The following C1orf87 variants were observed in gnomAD, a reference collection of about 807,000 sequenced individuals.
The protein encoded by C1orf87 is uncharacterized protein C1orf87.
Under a neutral mutation model 60.5 loss-of-function variants are expected in C1orf87, and 58 were observed. That is an observed-to-expected ratio of 0.96 (90% CI 0.78 to 1.19). The LOEUF is 1.19. Among genes scored for constraint, C1orf87 ranks in the 50% most tolerant of loss-of-function variants. The probability of loss-of-function intolerance (pLI) is 0.00; values close to 1 mark genes in which losing one functional copy is unlikely to be tolerated. For missense variants in C1orf87, 673 were observed against 638.6 expected (o/e 1.05, Z -0.58); for synonymous variants, 236 against 227.4 (o/e 1.04, Z -0.34).
At position 59,997,771 on chromosome 1, in the gene C1orf87, T is replaced by C. The variant is rs780769808; in HGVS notation, c.1318A>G (p.Thr440Ala). 2.3e-5 allele frequency: 37 copies of C among 1,613,838 alleles called. 3 individuals are homozygous for C. The South Asian group carries it at 3.8e-4, about 17-fold the overall frequency. The change falls in exon 11 of 12, where the codon ACT (threonine) becomes GCT (alanine). Residue 440 changes from threonine (T) to alanine (A), a missense_variant. By Grantham distance (58) the Thr-to-Ala change is moderately conservative. Transcript: ENST00000371201. ...TTCAGAGGATCTTTGCAGGCTGAAGTTTCAGCAGGAGAGCTTTCTGGCTGC... is the reference window on the plus strand; with the variant it reads ...TTCAGAGGATCTTTGCAGGCTGAAGCTTCAGCAGGAGAGCTTTCTGGCTGC... ...ELQPESSPAE[T>A]SACKDPLKPL...
chr1:60,027,231 T>C (rs1645204485), intron 7 of C1orf87, among the ~76,000 whole-genome samples: 1 of 152,124 alleles, frequency 6.6e-6, no homozygotes, highest in African/African-American at 2.4e-5. Context: ...AACCAACTTA[T>C]CCAAAGCCCA....
rs115613340 is a variant in C1orf87, at chr1:60,017,049, G to C, written c.1128-6593C>G. On this transcript the variant is annotated intron_variant, in intron 8 of 11. Transcript: ENST00000371201. ...CTACATTTGACTTAGCCTTATTGAC[G>C]AATTCATTTATTAGTTGTGTATTGG... 5.3e-3 allele frequency among the ~76,000 whole-genome samples: 814 copies of C among 152,266 alleles called. 11 individuals are homozygous for C. The highest frequency in any genetic ancestry group is 0.018 in the African/African-American group (756 of 41,560).
intron 8 of C1orf87, among the ~76,000 whole-genome samples, chr1:60,023,429 C>T (rs773715109): frequency 6.6e-5 from 10 of 151,992 alleles, no homozygotes; most frequent in East Asian, 1.9e-4. Flanking sequence ...GTATCTATGT[C>T]GTCAAGCTCA....
intron 10 of C1orf87, among the ~76,000 whole-genome samples, chr1:59,999,815 T>A (rs1290255616): frequency 3.9e-5 from 6 of 152,140 alleles, no homozygotes; most frequent in Non-Finnish European, 8.8e-5. Flanking sequence ...TTTTATACCT[T>A]TTTGCCTTTA....
intron 10 of C1orf87, 100 bp downstream of exon 10, chr1:60,000,976 GA>G: frequency 1.0e-6 from 1 of 973,610 alleles, no homozygotes; most frequent in South Asian, 1.5e-5. Context: ...GGGTTTGGGA[GA>G]AAATCAAAAC....
At chr1:60,054,846 T>C (rs1036510563) in intron 3 of C1orf87, among the ~76,000 whole-genome samples, 2 of 152,184 alleles carry the variant, frequency 1.3e-5, no homozygotes, top group African/African-American at 4.8e-5. Context: ...TTATTTCTTT[T>C]TGTAATGTAA....
At chr1:60,045,790 C>T (rs1645362840) in intron 3 of C1orf87, among the ~76,000 whole-genome samples, 1 of 152,154 alleles carries the variant, frequency 6.6e-6, no homozygotes, top group Admixed American at 6.5e-5. Context: ...TGGGATGGGG[C>T]CCAGGAATCT....
At chr1:60,007,703 G>A (rs1377185653) in intron 9 of C1orf87, among the ~76,000 whole-genome samples, 2 of 151,898 alleles carry the variant, frequency 1.3e-5, no homozygotes, top group African/African-American at 4.8e-5. Flanking sequence ...TTGGCTTGCT[G>A]GAAAGTAGAC....
chr1:59,997,770 G>A lies in C1orf87; in HGVS notation c.1319C>T (p.Thr440Ile), dbSNP rs1220246578. The change falls in exon 11 of 12, where the codon ACT becomes ATT. Residue 440 changes from threonine to isoleucine, a missense_variant. Coordinates refer to ENST00000371201, the MANE Select transcript of C1orf87 (RefSeq NM_152377.3). ...ELQPESSPAE[T>I]SACKDPLKPL... ...TTTCAGAGGATCTTTGCAGGCTGAA[G>A]TTTCAGCAGGAGAGCTTTCTGGCTG... 3 of 1,613,778 alleles carry A rather than the reference G, an allele frequency of 1.9e-6. No individual in the cohort carries two copies. Among genetic ancestry groups the A allele is most frequent in the Admixed American group, 3.3e-5 (2 of 59,978 alleles).
At chr1:60,025,594 G>C (rs1645193655) in intron 7 of C1orf87, 96 bp from the exon 8 acceptor site, 1 of 933,688 alleles carries the variant, frequency 1.1e-6, no homozygotes, top group South Asian at 1.8e-5. Flanking sequence ...TCTCATAATT[G>C]GAAGCTATAT....
chr1:60,033,446 G>A (rs1000859025), intron 7 of C1orf87, 30 bp downstream of exon 7: 2 of 1,603,360 alleles, frequency 1.2e-6, no homozygotes, highest in African/African-American at 1.3e-5. Flanking sequence ...CCTTTACAGA[G>A]GAACAAATCT....
chr1:60,013,974 G>C (rs1196839029), intron 8 of C1orf87, among the ~76,000 whole-genome samples: 1 of 152,082 alleles, frequency 6.6e-6, no homozygotes, highest in Non-Finnish European at 1.5e-5. Context: ...AACTGACAAT[G>C]ATCTTCCTCT....
intron 2 of C1orf87, among the ~76,000 whole-genome samples, chr1:60,056,770 T>A (rs1645460078): frequency 6.6e-6 from 1 of 152,212 alleles, no homozygotes; most frequent in Non-Finnish European, 1.5e-5. Flanking sequence ...AATACTATTC[T>A]ATAATCTGAA....
chr1:60,057,233 G>A (rs577088816), intron 2 of C1orf87, among the ~76,000 whole-genome samples: 1 of 152,286 alleles, frequency 6.6e-6, no homozygotes, highest in Non-Finnish European at 1.5e-5. Flanking sequence ...TTTCTGAAAA[G>A]GGTCCATTGG....
chr1:60,028,336 G>A (rs946146401), intron 7 of C1orf87, among the ~76,000 whole-genome samples: 4 of 152,108 alleles, frequency 2.6e-5, no homozygotes, highest in African/African-American at 9.7e-5. Flanking sequence ...GTACATCAGG[G>A]TTCCTAGAAG....
chr1:60,066,596 A>G (rs1645547708), intron 2 of C1orf87, among the ~76,000 whole-genome samples: 1 of 152,048 alleles, frequency 6.6e-6, no homozygotes, highest in African/African-American at 2.4e-5. Context: ...GGAACCCTCA[A>G]AGTCATCCAT....
At chr1:60,049,243 G>A (rs960933414) in intron 3 of C1orf87, among the ~76,000 whole-genome samples, 1 of 151,902 alleles carries the variant, frequency 6.6e-6, no homozygotes, top group East Asian at 1.9e-4. Context: ...TTCCAACAAA[G>A]TATATTATCA....
chr1:60,037,987 A>T lies in C1orf87; in HGVS notation c.863+5T>A. ...CAATACCCTCACAAAAAGGGAGAAG[A>T]GTACCTTTGGCTATGAGTGCCATGA... is the stretch of plus-strand genomic sequence containing the variant. On this transcript the variant is annotated splice_donor_5th_base_variant and intron_variant, in intron 6 of 11. Coordinates refer to ENST00000371201, the MANE Select transcript of C1orf87 (RefSeq NM_152377.3). The T allele has an allele frequency of 6.3e-7, 1 of 1,592,764 alleles. No individual in the cohort carries two copies.
intron 3 of C1orf87, among the ~76,000 whole-genome samples, chr1:60,050,222 G>A (rs372754251): frequency 2.6e-5 from 4 of 151,918 alleles, no homozygotes; most frequent in South Asian, 2.1e-4. Flanking sequence ...GAGGATTGAC[G>A]TTTTGATGAT....
Sources: gnomAD v4.1 joint callset for allele counts (sites outside exome capture counted in the v4.1 genomes callset) on GRCh38, gnomAD v4.1.1 for gene constraint, MANE v1.5 for transcripts, NCBI Gene and HGNC (gene_info 2026-07-23, HGNC 2026-07-21) for gene names.